Variants in KCNQ2 observed in about 807,000 individuals in gnomAD.
The protein encoded by KCNQ2 is potassium voltage-gated channel subfamily KQT member 2.
KCNQ2 carries 14 observed loss-of-function variants against 84.8 expected under a neutral mutation model. The ratio of observed to expected loss-of-function variants is 0.17; its 90% CI spans 0.11 to 0.26. The LOEUF is 0.26. KCNQ2 is among the 10% of genes least tolerant of loss of function. The probability of loss-of-function intolerance (pLI) is 1.00; values close to 1 mark genes in which losing one functional copy is unlikely to be tolerated. For missense variants in KCNQ2, 788 were observed against 1,254.0 expected (o/e 0.63, Z 5.61); for synonymous variants, 599 against 554.1 (o/e 1.08, Z -1.14).
At position 63,408,192 on chromosome 20, in the gene KCNQ2, G is replaced by A. The variant is rs980243834; in HGVS notation, c.1887+221C>T. 3.1e-5 allele frequency: 18 copies of A among 580,356 alleles called. No homozygotes were observed. Among genetic ancestry groups the A allele is most frequent in the African/African-American group, 3.0e-4 (16 of 53,274 alleles). 36.0% of individuals were successfully genotyped at this position (580,356 alleles called of 1,614,324 possible). A position where few individuals can be genotyped will look rare whatever the true frequency, so the allele number is the denominator to read the frequency against. ...AGGACTCCTGGGGACTTTGGCCCTT[G>A]GGTACTGTCAGGAGGGAAGGCACCC... On this transcript the variant is annotated intron_variant, in intron 16 of 16. Transcript: ENST00000359125. The surrounding 1 kb of genome is among the most constrained non-coding windows in gnomAD (Gnocchi z 5.0).
At chr20:63,428,516 T>C in intron 9 of KCNQ2, 81 bp from the exon 10 acceptor site, 2 of 1,239,238 alleles carry the variant, frequency 1.6e-6, no homozygotes, top group South Asian at 1.3e-5. Flanking sequence ...CACAGCTCCA[T>C]GGGCAGGCGC....
Position 63,413,673 on chromosome 20 carries a change from C to G in KCNQ2, c.1632-92G>C. On this transcript the variant is annotated intron_variant, in intron 14 of 16. Transcript: ENST00000359125. Reference sequence around the variant, plus strand: ...TCCTAGCACCTCTGAGACCTCGGCGCCTGGAGATGGCTGGACTTGCCCCTC... The same window carrying G: ...TCCTAGCACCTCTGAGACCTCGGCGGCTGGAGATGGCTGGACTTGCCCCTC... The G allele has an allele frequency of 2.0e-6, 3 of 1,467,662 alleles. No homozygotes were observed. In the South Asian group the frequency reaches 3.4e-5, roughly 17 times the overall value. The allele number at this position is 1,467,662 out of a possible 1,614,324, so 90.9% of individuals were successfully genotyped here. A position where few individuals can be genotyped will look rare whatever the true frequency, so the allele number is the denominator to read the frequency against.
rs972466265 is a variant in KCNQ2 at position 63,425,549 on chromosome 20, G to A, written c.1218-1343C>T. Reference sequence around the variant, plus strand: ...AGCCTGACCAACATGGTGAAACCCCGTCTCTACTAAAAATACAAAAATTAG... The same window carrying A: ...AGCCTGACCAACATGGTGAAACCCCATCTCTACTAAAAATACAAAAATTAG... On this transcript the variant is annotated intron_variant, in intron 10 of 16. Transcript: ENST00000359125. This position sits in a 1 kb window ranked among gnomAD's most constrained non-coding sequence, Gnocchi z 5.5. Among the ~76,000 whole-genome samples, 6 of 152,114 alleles carry A rather than the reference G, an allele frequency of 3.9e-5. No individual in the cohort carries two copies. Among genetic ancestry groups the A allele is most frequent in the African/African-American group, 7.2e-5 (3 of 41,494 alleles).
intron 12 of KCNQ2, among the ~76,000 whole-genome samples, chr20:63,418,741 G>A (rs888972510): frequency 9.2e-5 from 14 of 152,350 alleles, no homozygotes; most frequent in East Asian, 3.9e-4. Context: ...CAGTCTCCCC[G>A]CAAGCACCAA....
At position 63,406,989 on chromosome 20, in the gene KCNQ2, GC is replaced by G; in HGVS notation, c.2273del (p.Gly758AlafsTer172). On this transcript the variant is annotated frameshift_variant, in exon 17 of 17. Transcript: ENST00000359125. LOFTEE classifies it high-confidence loss of function. Reference protein sequence around the residue: ...HERSLSAYGGGNRASMEFLRQ... With the variant: ...HERSLSAYGGXNRASMEFLRQ... ...GCAGGAACTCCATGCTGGCGCGGTT[GC>G]CCCCGCCGTAGGCGGACAGCGACCG... 1 of 1,518,374 alleles carries G rather than the reference GC, an allele frequency of 6.6e-7. No homozygotes were observed. Among genetic ancestry groups the G allele is most frequent in the Non-Finnish European group, 8.8e-7 (1 of 1,135,514 alleles). The allele number at this position is 1,518,374 out of a possible 1,614,324, so 94.1% of individuals were successfully genotyped here.
Position 63,408,289 on chromosome 20 carries a change from C to T in KCNQ2, c.1887+124G>A. 8.2e-7 allele frequency: 1 copy of T among 1,216,996 alleles called. No individual in the cohort carries two copies. The highest frequency in any genetic ancestry group is 1.2e-6 in the Non-Finnish European group (1 of 862,528). The allele number at this position is 1,216,996 out of a possible 1,614,324, so 75.4% of individuals were successfully genotyped here. A position where few individuals can be genotyped will look rare whatever the true frequency, so the allele number is the denominator to read the frequency against. ...GAGCAGCTGTCAGTGGTGACAGGGC[C>T]ATGTAAACCCTAGACTTGAGGAGCC... On this transcript the variant is annotated intron_variant, in intron 16 of 16. Transcript: ENST00000359125. This position sits in a 1 kb window ranked among gnomAD's most constrained non-coding sequence, Gnocchi z 5.0.
chr20:63,471,704 A>AG (rs1017816256), intron 1 of KCNQ2: 1 of 156,322 alleles, frequency 6.4e-6, no homozygotes, highest in African/African-American at 2.4e-5. Context: ...CCCTAGTCTG[A>AG]GGGAGAGCGG....
At chr20:63,437,786 C>CAGGAAA (rs2081048185) in intron 7 of KCNQ2, among the ~76,000 whole-genome samples, 2 of 152,146 alleles carry the variant, frequency 1.3e-5, no homozygotes, top group Admixed American at 1.3e-4. Context: ...TGGCTGGTCC[C>CAGGAAA]AAGGGGGTCC....
chr20:63,411,460 TC>T (rs1293623417), intron 15 of KCNQ2, among the ~76,000 whole-genome samples: 2 of 152,142 alleles, frequency 1.3e-5, no homozygotes, highest in Admixed American at 1.3e-4. Flanking sequence ...TGGCATCTGA[TC>T]CTGGAGGTGC....
At chr20:63,434,370 G>C (rs2080925741) in intron 7 of KCNQ2, 1 of 181,984 alleles carries the variant, frequency 5.5e-6, no homozygotes, top group Admixed American at 5.9e-5. Flanking sequence ...GCATGAGCCT[G>C]TACGTCAGAC....
At position 63,426,496 on chromosome 20, in the gene KCNQ2, A is replaced by T. The variant is rs376168577; in HGVS notation, c.1217+1871T>A. 4.1e-3 allele frequency among the ~76,000 whole-genome samples: 486 copies of T among 119,900 alleles called. 3 individuals carry two copies. The highest frequency in any genetic ancestry group is 0.014 in the African/African-American group (445 of 31,322). The allele number at this position is 119,900 out of a possible 152,430, so 78.7% of individuals were successfully genotyped here. ...GTTTCTTACAGCAGTTCTGCCCTGA[A>T]TGCCTTTTTTTTTTTTTTTAATAGT... is the stretch of plus-strand genomic sequence containing the variant. On this transcript the variant is annotated intron_variant, in intron 10 of 16. Transcript: ENST00000359125.
At chr20:63,421,718 C>G (rs1315302574) in intron 11 of KCNQ2, among the ~76,000 whole-genome samples, 1 of 152,150 alleles carries the variant, frequency 6.6e-6, no homozygotes, top group Non-Finnish European at 1.5e-5. Flanking sequence ...CATGAGGGGG[C>G]AGCCGGTGTT....
chr20:63,412,104 C>A (rs1017656832), intron 15 of KCNQ2: 2 of 515,370 alleles, frequency 3.9e-6, no homozygotes, highest in Non-Finnish European at 6.9e-6. Flanking sequence ...GGGTGGCGGG[C>A]GGCCCCACTG....
At chr20:63,420,756 A>G (rs899739378) in intron 11 of KCNQ2, among the ~76,000 whole-genome samples, 1 of 151,422 alleles carries the variant, frequency 6.6e-6, no homozygotes, top group Non-Finnish European at 1.5e-5. Flanking sequence ...AGCCTGCAAG[A>G]CTCCAAGGGC....
chr20:63,445,800 A>G (rs74179806), intron 2 of KCNQ2, among the ~76,000 whole-genome samples: 638 of 13,326 alleles, frequency 0.048, no homozygotes, highest in East Asian at 0.16. Context: ...CTGAGCTGGG[A>G]GGCCCTGTCT....
In KCNQ2 at chr20:63,419,604, C is replaced by T. The variant is rs571128290; in HGVS notation, c.1301+15G>A. 47 of 1,606,048 alleles carry T rather than the reference C, an allele frequency of 2.9e-5. No individual in the cohort carries two copies. Among genetic ancestry groups the T allele is most frequent in the Admixed American group, 1.7e-4 (10 of 58,984 alleles). The stretch of plus-strand genomic sequence containing the variant: ...GTGCAGCAGCCGTCAGTCCGTGCGG[C>T]GTGTTCCGCGGTACCTAGAGCGTCC... On this transcript the variant is annotated intron_variant, in intron 12 of 16. Transcript: ENST00000359125.
Position 63,406,601 on chromosome 20 carries a change from T to C in KCNQ2, c.*43A>G. The C allele has an allele frequency of 1.3e-6, 2 of 1,554,762 alleles. No homozygotes were observed. The highest frequency in any genetic ancestry group is 1.7e-6 in the Non-Finnish European group (2 of 1,157,128). On this transcript the variant is annotated 3_prime_UTR_variant, in exon 17 of 17. Transcript: ENST00000359125. ...CCGCCTCAAAACCTCGGAGGCACCG[T>C]GCTGAGGAGGGCCGCGGGCGGGTCC...
chr20:63,413,590 G>C lies in KCNQ2; in HGVS notation c.1632-9C>G, dbSNP rs754646350. 10 of 1,611,048 alleles carry C rather than the reference G, an allele frequency of 6.2e-6. No individual in the cohort carries two copies. The East Asian group carries it at 2.2e-4, about 36-fold the overall frequency. ...CCAGGAACCGCATGACACTGCAGGG[G>C]GGTGGGTGGGGCTGTGAGCCCTGGG... is the stretch of plus-strand genomic sequence containing the variant. On this transcript the variant is annotated splice_polypyrimidine_tract_variant and intron_variant, in intron 14 of 16. Coordinates refer to ENST00000359125, the MANE Select transcript of KCNQ2 (RefSeq NM_172107.4).
chr20:63,405,984 A>C lies in KCNQ2; in HGVS notation c.*660T>G, dbSNP rs560900422. On this transcript the variant is annotated 3_prime_UTR_variant, in exon 17 of 17. Transcript: ENST00000359125. Reference sequence around the variant, plus strand: ...CCCACCCGCTCCTCGGCTGCAGGCGAAGGTCTCCACCTCGGGGCTGGCTTC... The same window carrying C: ...CCCACCCGCTCCTCGGCTGCAGGCGCAGGTCTCCACCTCGGGGCTGGCTTC... 21 of 152,412 alleles carry C rather than the reference A, an allele frequency of 1.4e-4. No individual in the cohort carries two copies. Among genetic ancestry groups the C allele is most frequent in the African/African-American group, 5.1e-4 (21 of 41,554 alleles). 9.4% of individuals were successfully genotyped at this position (152,412 alleles called of 1,614,324 possible). A position where few individuals can be genotyped will look rare whatever the true frequency, so the allele number is the denominator to read the frequency against.
Sources: gnomAD v4.1 joint callset for allele counts (sites outside exome capture counted in the v4.1 genomes callset) on GRCh38, gnomAD v4.1.1 for gene constraint, Gnocchi (gnomAD v3.1) non-coding constraint, MANE v1.5 for transcripts, NCBI Gene and HGNC (gene_info 2026-07-23, HGNC 2026-07-21) for gene names.